MGAT5: variants seen among roughly 807,000 people sequenced by gnomAD.
The protein encoded by MGAT5 is alpha-1,6-mannosylglycoprotein 6-beta-N-acetylglucosaminyltransferase A.
In MGAT5, 30 loss-of-function variants were observed where a neutral mutation model predicts 94.3. The observed-to-expected ratio is 0.32, with a 90% confidence interval of 0.24 to 0.43. MGAT5 has a LOEUF of 0.43. MGAT5 is among the 20% of genes least tolerant of loss of function. The probability of loss-of-function intolerance (pLI) is 1.00; values close to 1 mark genes in which losing one functional copy is unlikely to be tolerated. For missense variants in MGAT5, 691 were observed against 905.5 expected (o/e 0.76, Z 3.04); for synonymous variants, 310 against 322.9 (o/e 0.96, Z 0.43).
chr2:134,299,722 A>T (rs1453887229), intron 2 of MGAT5, among the ~76,000 whole-genome samples: 1 of 151,888 alleles, frequency 6.6e-6, no homozygotes, highest in African/African-American at 2.4e-5. Context: ...ATGTGTACAG[A>T]CTCCATTCAA....
intron 10 of MGAT5, among the ~76,000 whole-genome samples, chr2:134,402,784 G>T: frequency 6.6e-6 from 1 of 152,098 alleles, no homozygotes; most frequent in Admixed American, 6.6e-5. Context: ...ATTATACAAT[G>T]GCTATATGAC....
intron 1 of MGAT5, among the ~76,000 whole-genome samples, chr2:134,256,637 CAA>C (rs1306141453): frequency 6.6e-6 from 1 of 152,082 alleles, no homozygotes; most frequent in Non-Finnish European, 1.5e-5. Context: ...TTTTAAGTTA[CAA>C]AAAAATCCCA....
chr2:134,199,612 C>G (rs1416638934), intron 1 of MGAT5, among the ~76,000 whole-genome samples: 1 of 151,884 alleles, frequency 6.6e-6, no homozygotes, highest in African/African-American at 2.4e-5. Flanking sequence ...CTTGTTCTAT[C>G]GGCTGCTCCA....
chr2:134,312,195 C>T (rs1686717003), intron 2 of MGAT5, among the ~76,000 whole-genome samples: 1 of 152,152 alleles, frequency 6.6e-6, no homozygotes, highest in Non-Finnish European at 1.5e-5. Flanking sequence ...GGTTGTGCCA[C>T]TGCACTCCAA....
At chr2:134,122,307 T>G (rs1182374037) in intron 1 of MGAT5, among the ~76,000 whole-genome samples, 1 of 152,206 alleles carries the variant, frequency 6.6e-6, no homozygotes, top group Non-Finnish European at 1.5e-5. Flanking sequence ...TTTCACCATA[T>G]TGGCCAGGCT....
Position 134,396,353 on chromosome 2 carries a change from T to C in MGAT5, c.1381-6635T>C, listed in dbSNP as rs550468729. On this transcript the variant is annotated intron_variant, in intron 10 of 15. Coordinates refer to ENST00000281923, the MANE Select transcript of MGAT5 (RefSeq NM_002410.5). ...TGCATTTTAGAACTTACCTCCAATC[T>C]TGGAATAAAATAATTTTTCATCTTT... Among the ~76,000 whole-genome samples the C allele has an allele frequency of 9.2e-5, 14 of 152,236 alleles. No individual in the cohort carries two copies. The East Asian group carries it at 2.7e-3, about 29-fold the overall frequency.
At chr2:134,179,847 G>A (rs1243545208) in intron 1 of MGAT5, among the ~76,000 whole-genome samples, 1 of 152,190 alleles carries the variant, frequency 6.6e-6, no homozygotes, top group Non-Finnish European at 1.5e-5. Flanking sequence ...GAGGTAGGAG[G>A]TTGGCACAAG....
At chr2:134,342,998 CTG>C (rs1397743681) in intron 7 of MGAT5, among the ~76,000 whole-genome samples, 4 of 152,254 alleles carry the variant, frequency 2.6e-5, no homozygotes, top group African/African-American at 9.6e-5. Context: ...TCGTTTGTCA[CTG>C]TGTAGTGGGC....
intron 12 of MGAT5, among the ~76,000 whole-genome samples, chr2:134,414,348 TTTTGAAAAG>T (rs1683848587): frequency 6.6e-6 from 1 of 152,210 alleles, no homozygotes; most frequent in Non-Finnish European, 1.5e-5. Flanking sequence ...GAACCTATTC[TTTTGAAAAG>T]TTTAAAAAGA....
At chr2:134,417,170 C>G (rs1401844885) in intron 12 of MGAT5, among the ~76,000 whole-genome samples, 1 of 152,042 alleles carries the variant, frequency 6.6e-6, no homozygotes, top group Admixed American at 6.6e-5. Flanking sequence ...CTAGAATTTA[C>G]TTTTTACTTT....
At chr2:134,287,637 T>A (rs903678932) in intron 2 of MGAT5, among the ~76,000 whole-genome samples, 5 of 152,234 alleles carry the variant, frequency 3.3e-5, no homozygotes, top group African/African-American at 1.2e-4. Context: ...TTCAGCCTTC[T>A]GCCCAGGGGC....
chr2:134,254,748 C>T (rs996844775), intron 1 of MGAT5, 104 bp downstream of exon 1: 25 of 1,456,242 alleles, frequency 1.7e-5, no homozygotes, highest in East Asian at 2.3e-5. Context: ...TGTCCTTTGC[C>T]ACTGCCTTCA....
intron 2 of MGAT5, among the ~76,000 whole-genome samples, chr2:134,282,066 G>T (rs1394582604): frequency 6.6e-6 from 1 of 152,204 alleles, no homozygotes; most frequent in Non-Finnish European, 1.5e-5. Context: ...TCCTGGAGAT[G>T]GTTGTGTGTT....
intron 1 of MGAT5, among the ~76,000 whole-genome samples, chr2:134,152,567 C>G: frequency 6.6e-6 from 1 of 152,236 alleles, no homozygotes; most frequent in Non-Finnish European, 1.5e-5. Flanking sequence ...TGCCAATCTT[C>G]CCCAAAGGAA....
chr2:134,430,541 A>G (rs769917174), intron 14 of MGAT5, among the ~76,000 whole-genome samples: 1 of 152,136 alleles, frequency 6.6e-6, no homozygotes, highest in Non-Finnish European at 1.5e-5. Flanking sequence ...GGAGGAAGGG[A>G]GGGTGAGTGT....
chr2:134,442,014 C>G, intron 15 of MGAT5, 99 bp downstream of exon 15: 1 of 1,379,658 alleles, frequency 7.2e-7, no homozygotes, highest in South Asian at 1.3e-5. Context: ...TTCCAAGCTA[C>G]TGGGCTGTGG....
At chr2:134,412,579 A>G (rs1214346870) in intron 11 of MGAT5, among the ~76,000 whole-genome samples, 1 of 151,330 alleles carries the variant, frequency 6.6e-6, no homozygotes, top group Non-Finnish European at 1.5e-5. Flanking sequence ...TTAATACTCC[A>G]TCCTCCCTAC....
chr2:134,206,658 G>T (rs546812522), intron 1 of MGAT5, among the ~76,000 whole-genome samples: 1 of 152,130 alleles, frequency 6.6e-6, no homozygotes, highest in Non-Finnish European at 1.5e-5. Context: ...GGCAATTATC[G>T]TGGATTGTCA....
At chr2:134,427,322 A>G (rs183704368) in intron 13 of MGAT5, among the ~76,000 whole-genome samples, 4 of 152,112 alleles carry the variant, frequency 2.6e-5, no homozygotes, top group Non-Finnish European at 5.9e-5. Flanking sequence ...TTTTCTCTCA[A>G]ATGAAATTTC....
Sources: gnomAD v4.1 joint callset for allele counts (sites outside exome capture counted in the v4.1 genomes callset) on GRCh38, gnomAD v4.1.1 for gene constraint, MANE v1.5 for transcripts, NCBI Gene and HGNC (gene_info 2026-07-23, HGNC 2026-07-21) for gene names.